CTDSPL2: variants seen among roughly 807,000 people sequenced by gnomAD.
The protein encoded by CTDSPL2 is CTD small phosphatase like 2, also known as CTD small phosphatase-like protein 2.
Under a neutral mutation model 60.0 loss-of-function variants are expected in CTDSPL2, and 5 were observed. That is an observed-to-expected ratio of 0.08 (90% CI 0.04 to 0.18). CTDSPL2 has a LOEUF of 0.18. Among genes scored for constraint, CTDSPL2 ranks in the 10% least tolerant of loss-of-function variants. The pLI is 1.00. For missense variants in CTDSPL2, 370 were observed against 548.8 expected (o/e 0.67, Z 3.26); for synonymous variants, 186 against 189.3 (o/e 0.98, Z 0.14).
rs191520294 is a variant in CTDSPL2, at chr15:44,525,232, G to A, written c.*1058G>A. Reference sequence around the variant, plus strand: ...TCTCAGTTACAATCAATTTAAAACTGTATAACAGTCTTGGTACCTAACAGT... The same window carrying A: ...TCTCAGTTACAATCAATTTAAAACTATATAACAGTCTTGGTACCTAACAGT... On this transcript the variant is annotated 3_prime_UTR_variant, in exon 13 of 13. Transcript: ENST00000260327. The A allele has an allele frequency of 7.6e-6, 3 of 394,718 alleles. No individual in the cohort carries two copies. The highest frequency in any genetic ancestry group is 6.4e-4 in the Middle Eastern group (1 of 1,560). 24.5% of individuals were successfully genotyped at this position (394,718 alleles called of 1,614,324 possible).
At chr15:44,464,515 T>G (rs1174847761) in intron 2 of CTDSPL2, among the ~76,000 whole-genome samples, 2 of 152,202 alleles carry the variant, frequency 1.3e-5, no homozygotes, top group Non-Finnish European at 2.9e-5. Flanking sequence ...TCAAAGTGGC[T>G]GGACGCTGTC....
At chr15:44,456,012 G>A (rs1223142497) in intron 1 of CTDSPL2, among the ~76,000 whole-genome samples, 1 of 151,098 alleles carries the variant, frequency 6.6e-6, no homozygotes, top group Non-Finnish European at 1.5e-5. Context: ...CACCTCGCCC[G>A]GCTAATTTTT....
In CTDSPL2 at chr15:44,528,815, T is replaced by C. The variant is rs2081906221; in HGVS notation, c.*4641T>C. ...ATGGGATTTTTCAAGGCAGTGTCCT[T>C]TTGGCATTAAGGTAGGGGGGAGTTA... On this transcript the variant is annotated 3_prime_UTR_variant, in exon 13 of 13. Coordinates refer to ENST00000260327, the MANE Select transcript of CTDSPL2 (RefSeq NM_016396.3). 1 of 152,194 alleles carries C rather than the reference T, an allele frequency of 6.6e-6. No homozygotes were observed. The highest frequency in any genetic ancestry group is 1.5e-5 in the Non-Finnish European group (1 of 68,026). 9.4% of individuals were successfully genotyped at this position (152,194 alleles called of 1,614,324 possible). A position where few individuals can be genotyped will look rare whatever the true frequency, so the allele number is the denominator to read the frequency against.
At chr15:44,489,513 G>A (rs2081181385) in intron 4 of CTDSPL2, among the ~76,000 whole-genome samples, 1 of 152,182 alleles carries the variant, frequency 6.6e-6, no homozygotes, top group Non-Finnish European at 1.5e-5. Context: ...TTAGGAGGTT[G>A]TGCTAAGTGG....
At chr15:44,439,991 G>A (rs977520887) in intron 1 of CTDSPL2, among the ~76,000 whole-genome samples, 2 of 152,106 alleles carry the variant, frequency 1.3e-5, no homozygotes, top group Non-Finnish European at 2.9e-5. Flanking sequence ...TGATTGGTAG[G>A]ATTCTCCAGT....
At chr15:44,519,071 T>C in intron 10 of CTDSPL2, 98 bp from the exon 11 acceptor site, 2 of 733,054 alleles carry the variant, frequency 2.7e-6, no homozygotes, top group Non-Finnish European at 3.9e-6. Context: ...GAAAATCATA[T>C]GGCTTAAACT....
chr15:44,484,200 T>G, intron 2 of CTDSPL2, 24 bp from the exon 3 acceptor site: 1 of 1,564,260 alleles, frequency 6.4e-7, no homozygotes, highest in Non-Finnish European at 8.7e-7. Context: ...GCTTAGTGTG[T>G]TTTTTTTTCT....
chr15:44,522,685 G>A (rs1199993555), intron 12 of CTDSPL2, among the ~76,000 whole-genome samples: 1 of 152,072 alleles, frequency 6.6e-6, no homozygotes, highest in Non-Finnish European at 1.5e-5. Flanking sequence ...CCCGGGAGGC[G>A]GAGGTTGCAG....
intron 1 of CTDSPL2, among the ~76,000 whole-genome samples, chr15:44,434,872 A>G (rs961604397): frequency 2.0e-5 from 3 of 152,204 alleles, no homozygotes; most frequent in Non-Finnish European, 2.9e-5. Flanking sequence ...TTATAATATT[A>G]GCTAAATGGA....
At chr15:44,510,594 T>A (rs2081549882) in intron 8 of CTDSPL2, among the ~76,000 whole-genome samples, 1 of 152,126 alleles carries the variant, frequency 6.6e-6, no homozygotes, top group Admixed American at 6.6e-5. Context: ...GATTACATAA[T>A]TTTGAAGAGC....
intron 2 of CTDSPL2, among the ~76,000 whole-genome samples, chr15:44,461,422 T>G (rs961218708): frequency 6.6e-6 from 1 of 152,138 alleles, no homozygotes; most frequent in Non-Finnish European, 1.5e-5. Context: ...AGGATCTTAC[T>G]CTATTGCCCA....
intron 1 of CTDSPL2, among the ~76,000 whole-genome samples, chr15:44,455,858 T>C: frequency 7.4e-6 from 1 of 135,520 alleles, no homozygotes; most frequent in East Asian, 2.1e-4. Context: ...TTTTTTTTTT[T>C]TTTTTTTTTT....
At chr15:44,515,324 G>C (rs192568512) in intron 10 of CTDSPL2, among the ~76,000 whole-genome samples, 1 of 152,184 alleles carries the variant, frequency 6.6e-6, no homozygotes, top group Admixed American at 6.5e-5. Context: ...GGAAATTACA[G>C]TGGGTTTAGT....
intron 8 of CTDSPL2, among the ~76,000 whole-genome samples, chr15:44,507,241 T>C (rs1277381691): frequency 6.6e-6 from 1 of 151,916 alleles, no homozygotes; most frequent in Admixed American, 6.6e-5. Flanking sequence ...TGGGCCACCA[T>C]GCCGAGCTAA....
chr15:44,444,876 C>T lies in CTDSPL2; in HGVS notation c.-24-14115C>T, dbSNP rs1212105531. Reference sequence around the variant, plus strand: ...TTTTTTTTTTTTTTTTAGACGGAGTCTCCCTCTGTTGCCCAGGCTGGAGTG... The same window carrying T: ...TTTTTTTTTTTTTTTTAGACGGAGTTTCCCTCTGTTGCCCAGGCTGGAGTG... On this transcript the variant is annotated intron_variant, in intron 1 of 12. Coordinates refer to ENST00000260327, the MANE Select transcript of CTDSPL2 (RefSeq NM_016396.3). Among the ~76,000 whole-genome samples, 16 of 105,706 alleles carry T rather than the reference C, an allele frequency of 1.5e-4. 1 individual carries two copies. In the Admixed American group the frequency reaches 1.9e-3, roughly 12 times the overall value. The allele number at this position is 105,706 out of a possible 152,430, so 69.3% of individuals were successfully genotyped here.
At chr15:44,506,197 T>C (rs2081459956) in intron 8 of CTDSPL2, among the ~76,000 whole-genome samples, 1 of 151,528 alleles carries the variant, frequency 6.6e-6, no homozygotes, top group Admixed American at 6.6e-5. Context: ...GGCCGGCTAA[T>C]TTTTGTATTT....
chr15:44,509,407 A>G (rs148235183), intron 8 of CTDSPL2, among the ~76,000 whole-genome samples: 4,446 of 151,940 alleles, frequency 0.029, 234 homozygotes, highest in African/African-American at 0.1. Flanking sequence ...GGTTTCCACC[A>G]TGTTGGCCAG....
chr15:44,521,937 C>CAAAAAAA lies in CTDSPL2; in HGVS notation c.1335+551_1335+557dup, dbSNP rs904398715. 3.3e-5 allele frequency among the ~76,000 whole-genome samples: 2 copies of CAAAAAAA among 60,778 alleles called. 1 individual carries two copies. The highest frequency in any genetic ancestry group is 1.7e-4 in the African/African-American group (2 of 11,952). 39.9% of individuals were successfully genotyped at this position (60,778 alleles called of 152,430 possible). A position where few individuals can be genotyped will look rare whatever the true frequency, so the allele number is the denominator to read the frequency against. On this transcript the variant is annotated intron_variant, in intron 12 of 12. Coordinates refer to ENST00000260327, the MANE Select transcript of CTDSPL2 (RefSeq NM_016396.3). Reference sequence around the variant, plus strand: ...TGGGCGACAGAGCGAGACTCCGTCTCAAAAAAAAAAAAAAAAAAAAAAAAA... The same window carrying CAAAAAAA: ...TGGGCGACAGAGCGAGACTCCGTCTCAAAAAAAAAAAAAAAAAAAAAAAAAAAAAAAA...
At chr15:44,481,994 TAAC>T (rs1387591163) in intron 2 of CTDSPL2, among the ~76,000 whole-genome samples, 2 of 152,210 alleles carry the variant, frequency 1.3e-5, no homozygotes, top group African/African-American at 4.8e-5. Flanking sequence ...GTACCCAACT[TAAC>T]AGCAGCCCTG....
Sources: allele counts gnomAD v4.1 joint callset (sites outside exome capture counted in the v4.1 genomes callset), GRCh38; gene constraint gnomAD v4.1.1; transcripts MANE v1.5; gene names NCBI Gene and HGNC (gene_info 2026-07-23, HGNC 2026-07-21).